The following ATF6 variants were observed in gnomAD, a reference collection of about 807,000 sequenced individuals.
The protein encoded by ATF6 is activating transcription factor 6.
ATF6 carries 53 observed loss-of-function variants against 83.6 expected under a neutral mutation model. The ratio of observed to expected loss-of-function variants is 0.63; its 90% CI spans 0.51 to 0.80. The LOEUF is 0.80. Among genes scored for constraint, ATF6 ranks in the 30% least tolerant of loss-of-function variants. The pLI, the probability that ATF6 is intolerant of heterozygous loss-of-function variation, is 0.00. For missense variants in ATF6, 744 were observed against 797.9 expected (o/e 0.93, Z 0.81); for synonymous variants, 288 against 285.8 (o/e 1.01, Z -0.08).
intron 14 of ATF6, among the ~76,000 whole-genome samples, chr1:161,902,136 T>A (rs1296794003): frequency 2.0e-5 from 3 of 152,168 alleles, no homozygotes; most frequent in African/African-American, 4.8e-5. Context: ...GCTTACTGCA[T>A]TTTTAAAAAG....
intron 9 of ATF6, among the ~76,000 whole-genome samples, chr1:161,833,515 T>A (rs1686128428): frequency 1.3e-5 from 2 of 151,626 alleles, no homozygotes; most frequent in South Asian, 4.2e-4. Context: ...GAAAAAAAAA[T>A]TAGATGAATG....
chr1:161,803,695 G>C (rs893298910), intron 7 of ATF6, among the ~76,000 whole-genome samples: 1 of 152,072 alleles, frequency 6.6e-6, no homozygotes, highest in Non-Finnish European at 1.5e-5. Flanking sequence ...TTAAAAAAAT[G>C]ACAATAACAA....
At chr1:161,917,718 C>A (rs781506541) in intron 15 of ATF6, among the ~76,000 whole-genome samples, 14 of 152,162 alleles carry the variant, frequency 9.2e-5, no homozygotes, top group Non-Finnish European at 1.9e-4. Context: ...CCGCGCCCGG[C>A]CTTTATACAC....
intron 7 of ATF6, among the ~76,000 whole-genome samples, chr1:161,802,894 T>C (rs1685191051): frequency 1.3e-5 from 2 of 152,356 alleles, no homozygotes; most frequent in South Asian, 2.1e-4. Context: ...AGCCAGTTAC[T>C]GCACTTGCCA....
chr1:161,923,957 C>T lies in ATF6; in HGVS notation c.1804+11577C>T, dbSNP rs544987099. Among the ~76,000 whole-genome samples the T allele has an allele frequency of 2.6e-5, 4 of 152,340 alleles. No individual in the cohort carries two copies. In the South Asian group the frequency reaches 6.2e-4, roughly 24 times the overall value. On this transcript the variant is annotated intron_variant, in intron 15 of 15. Transcript: ENST00000367942. ...AGAGATCAGCATCTACTTAAGCCAA[C>T]AGAGTTGGTTTGAGCCTCCCACTAA...
Position 161,920,294 on chromosome 1 carries a change from C to CTTTT in ATF6, c.1804+7929_1804+7932dup, listed in dbSNP as rs71798307. 3.0e-3 allele frequency among the ~76,000 whole-genome samples: 164 copies of CTTTT among 54,818 alleles called. 39 individuals are homozygous for CTTTT. The highest frequency in any genetic ancestry group is 0.012 in the African/African-American group (161 of 13,458). 36.0% of individuals were successfully genotyped at this position (54,818 alleles called of 152,430 possible). Reference sequence around the variant, plus strand: ...TAGTTCTCTTTCTCTCTCTCTCTCTCTTTTTTTTTTTTTTTTTTGAGACAG... The same window carrying CTTTT: ...TAGTTCTCTTTCTCTCTCTCTCTCTCTTTTTTTTTTTTTTTTTTTTTTGAGACAG... On this transcript the variant is annotated intron_variant, in intron 15 of 15. Coordinates refer to ENST00000367942, the MANE Select transcript of ATF6 (RefSeq NM_007348.4).
At chr1:161,875,605 A>G (rs1342886455) in intron 14 of ATF6, among the ~76,000 whole-genome samples, 1 of 151,892 alleles carries the variant, frequency 6.6e-6, no homozygotes, top group Non-Finnish European at 1.5e-5. Flanking sequence ...TATCATTGTC[A>G]AAAATATGTC....
chr1:161,802,286 C>A lies in ATF6; in HGVS notation c.909+14C>A. 1 of 1,606,156 alleles carries A rather than the reference C, an allele frequency of 6.2e-7. No homozygotes were observed. Among genetic ancestry groups the A allele is most frequent in the Non-Finnish European group, 8.5e-7 (1 of 1,173,174 alleles). ...GTCGGTTCAGATGTAAGTTTTGAAA[C>A]TTAGTGCTTCTCTTAATGCCTGATT... On this transcript the variant is annotated intron_variant, in intron 7 of 15. Coordinates refer to ENST00000367942, the MANE Select transcript of ATF6 (RefSeq NM_007348.4).
At chr1:161,893,139 T>G (rs1310221328) in intron 14 of ATF6, among the ~76,000 whole-genome samples, 1 of 152,138 alleles carries the variant, frequency 6.6e-6, no homozygotes, top group African/African-American at 2.4e-5. Flanking sequence ...ATACACTGGT[T>G]TAGCGGAAAC....
chr1:161,879,194 T>G (rs981800315), intron 14 of ATF6, among the ~76,000 whole-genome samples: 1 of 152,056 alleles, frequency 6.6e-6, no homozygotes, highest in Non-Finnish European at 1.5e-5. Context: ...GTTTTCCCAG[T>G]GAAGGACATC....
At chr1:161,886,811 C>T (rs960571534) in intron 14 of ATF6, among the ~76,000 whole-genome samples, 4 of 152,158 alleles carry the variant, frequency 2.6e-5, no homozygotes, top group African/African-American at 4.8e-5. Context: ...AGTCAGGATT[C>T]GACATGTTAA....
At chr1:161,880,659 T>C (rs1314002536) in intron 14 of ATF6, among the ~76,000 whole-genome samples, 1 of 152,158 alleles carries the variant, frequency 6.6e-6, no homozygotes, top group Non-Finnish European at 1.5e-5. Flanking sequence ...TTTACTAATA[T>C]ATTCACCTTC....
intron 15 of ATF6, among the ~76,000 whole-genome samples, chr1:161,943,974 C>T (rs778997263): frequency 1.3e-5 from 2 of 152,152 alleles, no homozygotes; most frequent in Non-Finnish European, 2.9e-5. Context: ...CACTCCAGCA[C>T]CTGTAACATA....
chr1:161,788,721 G>A (rs1571130447), intron 4 of ATF6, among the ~76,000 whole-genome samples: 3 of 151,924 alleles, frequency 2.0e-5, no homozygotes, highest in African/African-American at 7.2e-5. Flanking sequence ...TTAATATGTG[G>A]TATTATGTAG....
chr1:161,800,456 T>C (rs1034676344), intron 6 of ATF6, among the ~76,000 whole-genome samples: 1 of 152,214 alleles, frequency 6.6e-6, no homozygotes, highest in Non-Finnish European at 1.5e-5. Context: ...ACCACCATCA[T>C]TCCTGGCTCT....
intron 15 of ATF6, among the ~76,000 whole-genome samples, chr1:161,927,617 G>A (rs1351737512): frequency 1.3e-5 from 2 of 152,204 alleles, no homozygotes; most frequent in Non-Finnish European, 1.5e-5. Context: ...TGATTACTGT[G>A]TGACTTTGAG....
chr1:161,846,675 G>C, intron 10 of ATF6, 95 bp downstream of exon 10: 2 of 1,281,086 alleles, frequency 1.6e-6, no homozygotes, highest in Non-Finnish European at 1.0e-6. Flanking sequence ...TAAATTGTTC[G>C]TGTATATTTT....
intron 9 of ATF6, among the ~76,000 whole-genome samples, chr1:161,841,152 C>T (rs1351180011): frequency 6.6e-6 from 1 of 152,160 alleles, no homozygotes; most frequent in Non-Finnish European, 1.5e-5. Context: ...TTTTCTCATA[C>T]TCTTTTATAC....
intron 10 of ATF6, among the ~76,000 whole-genome samples, chr1:161,848,973 AC>A (rs923758074): frequency 1.1e-4 from 16 of 151,940 alleles, no homozygotes; most frequent in African/African-American, 3.9e-4. Flanking sequence ...GGCTGATAGA[AC>A]AAAGCCAGTT....
Sources: gnomAD v4.1 joint callset for allele counts (sites outside exome capture counted in the v4.1 genomes callset) on GRCh38, gnomAD v4.1.1 for gene constraint, MANE v1.5 for transcripts, NCBI Gene and HGNC (gene_info 2026-07-23, HGNC 2026-07-21) for gene names.